Variants in CDC123 observed in about 807,000 individuals in gnomAD.
The protein encoded by CDC123 is cell division cycle 123, also known as translation initiation factor eIF2 assembly protein.
CDC123 carries 37 observed loss-of-function variants against 54.4 expected under a neutral mutation model. The observed-to-expected ratio is 0.68, with a 90% CI of 0.52 to 0.89. CDC123 has a LOEUF of 0.89. Ranked by LOEUF, CDC123 falls within the 40% of genes least tolerant of loss-of-function variation. The pLI is 0.00. For synonymous variants in CDC123, 144 were observed against 136.8 expected (o/e 1.05, Z -0.37); for missense variants, 361 against 412.1 (o/e 0.88, Z 1.07).
intron 7 of CDC123, among the ~76,000 whole-genome samples, chr10:12,234,129 GT>G (rs1835943673): frequency 6.6e-6 from 1 of 152,010 alleles, no homozygotes; most frequent in Non-Finnish European, 1.5e-5. Flanking sequence ...GTTTTGCTCT[GT>G]CGCCCAGGCT....
intron 10 of CDC123, among the ~76,000 whole-genome samples, chr10:12,239,880 C>T (rs1414160675): frequency 6.6e-6 from 1 of 151,494 alleles, no homozygotes; most frequent in African/African-American, 2.4e-5. Context: ...TGTTGGCGGG[C>T]ACTTGTAGTC....
intron 12 of CDC123, 162 bp downstream of exon 12, chr10:12,249,880 A>T: frequency 1.2e-6 from 1 of 865,358 alleles, no homozygotes; most frequent in Non-Finnish European, 1.7e-6. Context: ...AATATGAAAT[A>T]GGAGCTGAAG....
intron 9 of CDC123, among the ~76,000 whole-genome samples, chr10:12,237,988 A>T (rs1225533810): frequency 6.6e-6 from 1 of 152,214 alleles, no homozygotes; most frequent in African/African-American, 2.4e-5. Flanking sequence ...ATGATTTACA[A>T]TTTCTCTACT....
At chr10:12,244,144 T>C (rs1292224184) in intron 10 of CDC123, among the ~76,000 whole-genome samples, 1 of 152,196 alleles carries the variant, frequency 6.6e-6, no homozygotes, top group Non-Finnish European at 1.5e-5. Context: ...AAGTCCTAAT[T>C]AGATGTTGCA....
At chr10:12,206,471 C>G (rs1043553055) in intron 2 of CDC123, among the ~76,000 whole-genome samples, 1 of 152,182 alleles carries the variant, frequency 6.6e-6, no homozygotes, top group Non-Finnish European at 1.5e-5. Flanking sequence ...TTGACTGGTT[C>G]TTAGCTTTGT....
chr10:12,233,514 CATT>C (rs562120758), intron 7 of CDC123, among the ~76,000 whole-genome samples: 27 of 152,194 alleles, frequency 1.8e-4, no homozygotes, highest in Middle Eastern at 6.8e-3. Flanking sequence ...TTTTGATAAA[CATT>C]ATGCAAATTT....
chr10:12,244,100 G>A (rs770115360), intron 10 of CDC123, among the ~76,000 whole-genome samples: 1 of 152,176 alleles, frequency 6.6e-6, no homozygotes, highest in Non-Finnish European at 1.5e-5. Context: ...CGACAGGCCT[G>A]TGCCACTTAA....
intron 5 of CDC123, among the ~76,000 whole-genome samples, chr10:12,216,142 A>G (rs1280002946): frequency 1.3e-5 from 2 of 152,212 alleles, no homozygotes; most frequent in Non-Finnish European, 1.5e-5. Context: ...TTAACAGAGA[A>G]ATTTTTCTTT....
intron 2 of CDC123, among the ~76,000 whole-genome samples, chr10:12,199,061 G>A (rs1178084387): frequency 6.6e-6 from 1 of 152,168 alleles, no homozygotes; most frequent in Non-Finnish European, 1.5e-5. Context: ...GTAGCAGGGT[G>A]GGGGAAGTAC....
At chr10:12,206,774 C>A (rs533063346) in intron 2 of CDC123, among the ~76,000 whole-genome samples, 9 of 151,982 alleles carry the variant, frequency 5.9e-5, no homozygotes, top group Non-Finnish European at 1.2e-4. Flanking sequence ...CTGGCCAACA[C>A]GGTGAAACCC....
intron 11 of CDC123, chr10:12,246,579 A>C: frequency 8.9e-6 from 2 of 223,930 alleles, no homozygotes; most frequent in Non-Finnish European, 1.8e-5. Flanking sequence ...GTTCCTTCTG[A>C]CCCCAGCCCC....
intron 6 of CDC123, among the ~76,000 whole-genome samples, chr10:12,227,654 T>C (rs189538313): frequency 1.3e-5 from 2 of 152,152 alleles, no homozygotes; most frequent in Non-Finnish European, 2.9e-5. Context: ...TGTGCCACCA[T>C]GCCCAGCTAA....
At position 12,237,238 on chromosome 10, in the gene CDC123, C is replaced by A; in HGVS notation, c.660C>A (p.His220Gln). The change falls in exon 9 of 13, where the codon CAC becomes CAA. Residue 220 changes from histidine to glutamine, a missense_variant. Physicochemically the swap from His to Gln is conservative, Grantham distance 24. Transcript: ENST00000281141. ...RRCIQDFFKK[H>Q]IQYKFLDEDF... ...GCATACAAGACTTTTTCAAGAAACA[C>A]ATACAGTACAAATTCTTAGATGAAG... The A allele has an allele frequency of 6.3e-7, 1 of 1,575,894 alleles. No homozygotes were observed. The highest frequency in any genetic ancestry group is 8.6e-7 in the Non-Finnish European group (1 of 1,168,128).
At chr10:12,238,359 TCTG>T (rs1836006524) in intron 9 of CDC123, 95 bp from the exon 10 acceptor site, 11 of 1,364,700 alleles carry the variant, frequency 8.1e-6, no homozygotes, top group African/African-American at 1.5e-5. Flanking sequence ...TCATTTATAT[TCTG>T]CTGTCTTTGA....
At chr10:12,233,073 TAAG>T (rs1453521375) in intron 7 of CDC123, among the ~76,000 whole-genome samples, 1 of 152,150 alleles carries the variant, frequency 6.6e-6, no homozygotes, top group African/African-American at 2.4e-5. Context: ...CAGTCTTTCT[TAAG>T]AAGTCATCAT....
intron 2 of CDC123, among the ~76,000 whole-genome samples, chr10:12,202,422 T>C (rs1835451784): frequency 6.6e-6 from 1 of 152,118 alleles, no homozygotes; most frequent in Admixed American, 6.5e-5. Flanking sequence ...TGTGACCACA[T>C]GTGTGGGGTT....
intron 7 of CDC123, among the ~76,000 whole-genome samples, chr10:12,231,415 G>T (rs992263222): frequency 6.6e-6 from 1 of 152,104 alleles, no homozygotes; most frequent in African/African-American, 2.4e-5. Context: ...CTGAGATCAG[G>T]AGTGCGAGAC....
At chr10:12,223,434 C>T (rs1466364215) in intron 6 of CDC123, among the ~76,000 whole-genome samples, 5 of 151,828 alleles carry the variant, frequency 3.3e-5, no homozygotes, top group East Asian at 1.9e-4. Context: ...TGTAGGCGCA[C>T]GCCACCACGC....
intron 2 of CDC123, among the ~76,000 whole-genome samples, chr10:12,207,560 C>A (rs1189841320): frequency 6.6e-6 from 1 of 152,090 alleles, no homozygotes; most frequent in Non-Finnish European, 1.5e-5. Context: ...CAGATATTTG[C>A]AAACTTTGTG....
Sources: allele counts gnomAD v4.1 joint callset (sites outside exome capture counted in the v4.1 genomes callset), GRCh38; gene constraint gnomAD v4.1.1; transcripts MANE v1.5; gene names NCBI Gene and HGNC (gene_info 2026-07-23, HGNC 2026-07-21).